Variants in FBXL17 observed in about 807,000 individuals in gnomAD.
The protein encoded by FBXL17 is F-box and leucine rich repeat protein 17, also known as F-box/LRR-repeat protein 17.
Under a neutral mutation model 66.2 loss-of-function variants are expected in FBXL17, and 22 were observed. That is an observed-to-expected ratio of 0.33 (90% CI 0.24 to 0.47). The LOEUF is 0.47. FBXL17 is among the 20% of genes least tolerant of loss of function. The pLI is 1.00. For synonymous variants in FBXL17, 474 were observed against 400.5 expected, an observed-to-expected ratio of 1.18 and a Z score of -2.19; for missense variants, 878 against 948.2, an observed-to-expected ratio of 0.93 and a Z score of 0.97.
In FBXL17 at chr5:107,898,439, T is replaced by C. The variant is rs75184312; in HGVS notation, c.1823-17260A>G. Among the ~76,000 whole-genome samples, 10 of 152,284 alleles carry C rather than the reference T, an allele frequency of 6.6e-5. No individual in the cohort carries two copies. In the South Asian group the frequency reaches 8.3e-4, roughly 13 times the overall value. On this transcript the variant is annotated intron_variant, in intron 7 of 8. Coordinates refer to ENST00000542267, the MANE Select transcript of FBXL17 (RefSeq NM_001163315.3). ...ATGATTAGAATGATGACCTTTATGA[T>C]GATTCATTTCCACTTAATGAATAAT...
chr5:108,248,706 T>G (rs1756218716), intron 4 of FBXL17, among the ~76,000 whole-genome samples: 1 of 152,046 alleles, frequency 6.6e-6, no homozygotes, highest in African/African-American at 2.4e-5. Flanking sequence ...AGCAGTAAGA[T>G]CTCTCTACAA....
chr5:108,050,061 A>G (rs1341256326), intron 6 of FBXL17, among the ~76,000 whole-genome samples: 1 of 152,204 alleles, frequency 6.6e-6, no homozygotes, highest in Non-Finnish European at 1.5e-5. Context: ...ACATGTACCC[A>G]ATACAGGAGC....
chr5:108,115,036 T>C (rs1301391848), intron 6 of FBXL17, among the ~76,000 whole-genome samples: 1 of 152,136 alleles, frequency 6.6e-6, no homozygotes, highest in African/African-American at 2.4e-5. Context: ...CCCCAAGCAA[T>C]TTTTTAAATG....
chr5:107,952,955 A>C (rs1173680697), intron 7 of FBXL17, among the ~76,000 whole-genome samples: 1 of 152,108 alleles, frequency 6.6e-6, no homozygotes, highest in African/African-American at 2.4e-5. Flanking sequence ...GTCCTCCTCC[A>C]TTACTCCCAC....
chr5:108,366,704 A>G (rs1436148492), intron 2 of FBXL17, among the ~76,000 whole-genome samples: 1 of 152,060 alleles, frequency 6.6e-6, no homozygotes, highest in Non-Finnish European at 1.5e-5. Flanking sequence ...ACTGCCCACA[A>G]CTAACTCCCT....
intron 5 of FBXL17, among the ~76,000 whole-genome samples, chr5:108,217,686 G>C (rs1229612073): frequency 6.6e-6 from 1 of 152,048 alleles, no homozygotes; most frequent in Non-Finnish European, 1.5e-5. Context: ...ACAGTCTATA[G>C]TCTATAGTCT....
At chr5:108,298,274 A>G (rs927143457) in intron 4 of FBXL17, 2 of 984,724 alleles carry the variant, frequency 2.0e-6, no homozygotes, top group African/African-American at 1.7e-5. Flanking sequence ...TACTATGTGA[A>G]CAAGACACAC....
intron 6 of FBXL17, among the ~76,000 whole-genome samples, chr5:108,054,416 G>A (rs1440804569): frequency 6.6e-6 from 1 of 152,020 alleles, no homozygotes; most frequent in African/African-American, 2.4e-5. Flanking sequence ...GTGGAAGTCA[G>A]GCTCCTTATA....
chr5:107,922,889 AG>A (rs1466345616), intron 7 of FBXL17, among the ~76,000 whole-genome samples: 3 of 152,210 alleles, frequency 2.0e-5, no homozygotes, highest in Non-Finnish European at 2.9e-5. Flanking sequence ...CTTGCGGGGC[AG>A]GAATGAATAC....
chr5:108,189,730 T>A (rs1753390361), intron 5 of FBXL17, among the ~76,000 whole-genome samples: 1 of 152,160 alleles, frequency 6.6e-6, no homozygotes, highest in African/African-American at 2.4e-5. Context: ...CCTGACATAA[T>A]CAGTTAAGCC....
In FBXL17 at chr5:107,878,115, T is replaced by G. The variant is rs1180000521; in HGVS notation, c.1965+2922A>C. On this transcript the variant is annotated intron_variant, in intron 8 of 8. Transcript: ENST00000542267. ...CTAAGTGTCCTACGGAGGCATTAGT[T>G]TTTCCATTGCAAAGTGTGTAGAAAG... The G allele has an allele frequency of 8.8e-6, 4 of 453,240 alleles. No individual in the cohort carries two copies. The Admixed American group carries it at 2.6e-4, about 29-fold the overall frequency. The allele number at this position is 453,240 out of a possible 1,614,324, so 28.1% of individuals were successfully genotyped here.
In FBXL17 at chr5:107,943,277, A is replaced by G. The variant is rs140926540; in HGVS notation, c.1823-62098T>C. ...TTCCATTCAGTATGCCAAAACTGAAATACATCCTGTTTTCTTAGCTCCCTC... is the reference window on the plus strand; with the variant it reads ...TTCCATTCAGTATGCCAAAACTGAAGTACATCCTGTTTTCTTAGCTCCCTC... On this transcript the variant is annotated intron_variant, in intron 7 of 8. Coordinates refer to ENST00000542267, the MANE Select transcript of FBXL17 (RefSeq NM_001163315.3). 5.9e-5 allele frequency among the ~76,000 whole-genome samples: 9 copies of G among 152,274 alleles called. No homozygotes were observed. The East Asian group carries it at 1.5e-3, about 26-fold the overall frequency.
intron 7 of FBXL17, among the ~76,000 whole-genome samples, chr5:107,980,743 G>A (rs1202080863): frequency 1.4e-5 from 2 of 141,308 alleles, no homozygotes; most frequent in African/African-American, 2.7e-5. Context: ...TGTCAGCTCC[G>A]CCTCCCGGGT....
At chr5:108,158,116 G>A (rs1752065026) in intron 6 of FBXL17, among the ~76,000 whole-genome samples, 2 of 152,180 alleles carry the variant, frequency 1.3e-5, no homozygotes, top group Admixed American at 6.5e-5. Flanking sequence ...TTCAGATGAT[G>A]TAACTGTCTA....
intron 4 of FBXL17, among the ~76,000 whole-genome samples, chr5:108,230,424 C>T (rs1047977343): frequency 3.3e-5 from 5 of 152,112 alleles, no homozygotes; most frequent in African/African-American, 1.2e-4. Context: ...TTCACAGCAA[C>T]CTGGATGGGA....
intron 6 of FBXL17, among the ~76,000 whole-genome samples, chr5:108,143,174 A>T (rs999512102): frequency 6.6e-6 from 1 of 152,010 alleles, no homozygotes; most frequent in African/African-American, 2.4e-5. Context: ...CCACAAAACC[A>T]GTCCCTGGTG....
At chr5:108,111,751 T>C (rs1288207325) in intron 6 of FBXL17, among the ~76,000 whole-genome samples, 1 of 152,202 alleles carries the variant, frequency 6.6e-6, no homozygotes, top group Non-Finnish European at 1.5e-5. Flanking sequence ...CATCTCTGTA[T>C]TTCCAATAAT....
chr5:108,036,913 AGGACTG>A (rs1476946467), intron 6 of FBXL17, among the ~76,000 whole-genome samples: 2 of 152,188 alleles, frequency 1.3e-5, no homozygotes, highest in African/African-American at 4.8e-5. Flanking sequence ...TTTAGGCATG[AGGACTG>A]GTTTGCTTAT....
chr5:108,364,922 C>T lies in FBXL17; in HGVS notation c.1190G>A (p.Arg397His), dbSNP rs781459902. 6 of 1,611,838 alleles carry T rather than the reference C, an allele frequency of 3.7e-6. No individual in the cohort carries two copies. Among genetic ancestry groups the T allele is most frequent in the East Asian group, 4.5e-5 (2 of 44,844 alleles). Residue 397 changes from arginine (R) to histidine (H), a missense_variant, in exon 3 of 9, where the codon CGC (arginine) becomes CAC (histidine). By Grantham distance (29) the Arg-to-His change is conservative. Around this residue, in one of 4 missense-constraint regions of FBXL17, gnomAD observed 236 missense variants for 389.1 expected, o/e 0.61. Coordinates refer to ENST00000542267, the MANE Select transcript of FBXL17 (RefSeq NM_001163315.3). ...ACATACGCCATTATCAGACATACTG[C>T]GACAATCAGAAATGTTGATTTCAAT... is the stretch of plus-strand genomic sequence containing the variant. ...NIIEINISDC[R>H]SMSDNGVCVL...
Sources: gnomAD v4.1 joint callset for allele counts (sites outside exome capture counted in the v4.1 genomes callset) on GRCh38, gnomAD v4.1.1 for gene constraint, gnomAD v4.1.1 regional missense constraint, MANE v1.5 for transcripts, NCBI Gene and HGNC (gene_info 2026-07-23, HGNC 2026-07-21) for gene names.